Variants in EPHX2 observed in about 807,000 individuals in gnomAD.
EPHX2 encodes bifunctional epoxide hydrolase 2.
Under a neutral mutation model 78.7 loss-of-function variants are expected in EPHX2, and 74 were observed. That is an observed-to-expected ratio of 0.94 (90% CI 0.78 to 1.14). The LOEUF is 1.14. Ranked by LOEUF, EPHX2 falls within the 50% of genes most tolerant of loss-of-function variation. EPHX2 has a pLI of 0.00. For synonymous variants in EPHX2, 251 were observed against 255.2 expected (o/e 0.98, Z 0.16); for missense variants, 715 against 702.5 (o/e 1.02, Z -0.20).
chr8:27,523,232 C>T (rs1391180913), intron 11 of EPHX2, among the ~76,000 whole-genome samples: 2 of 152,202 alleles, frequency 1.3e-5, no homozygotes, highest in Non-Finnish European at 2.9e-5. Flanking sequence ...CATTCTCAAC[C>T]ACAAAGTGGT....
chr8:27,522,368 G>C (rs1814679507), intron 10 of EPHX2, 55 bp from the exon 11 acceptor site: 1 of 1,582,646 alleles, frequency 6.3e-7, no homozygotes, highest in African/African-American at 1.3e-5. Context: ...GAACCTCTCA[G>C]CACCCCGTTC....
intron 12 of EPHX2, among the ~76,000 whole-genome samples, chr8:27,528,064 G>C (rs1331703027): frequency 2.6e-5 from 4 of 152,152 alleles, no homozygotes; most frequent in African/African-American, 9.7e-5. Context: ...GCAGAGAGAG[G>C]AGGGACAAAT....
intron 1 of EPHX2, among the ~76,000 whole-genome samples, chr8:27,500,391 C>A (rs1393328754): frequency 1.3e-5 from 2 of 152,166 alleles, no homozygotes; most frequent in Non-Finnish European, 2.9e-5. Flanking sequence ...AATTAAATCT[C>A]TTTTCTTTAT....
intron 12 of EPHX2, among the ~76,000 whole-genome samples, chr8:27,530,465 C>T (rs1398371743): frequency 6.6e-6 from 1 of 152,096 alleles, no homozygotes; most frequent in Admixed American, 6.6e-5. Context: ...TGTTTTTAAG[C>T]AAATATATGT....
chr8:27,499,527 G>T (rs1212483360), intron 1 of EPHX2, among the ~76,000 whole-genome samples: 1 of 152,160 alleles, frequency 6.6e-6, no homozygotes, highest in Admixed American at 6.5e-5. Flanking sequence ...CCAGGATGGG[G>T]ATATTTGTTC....
At chr8:27,523,587 T>C (rs1814723853) in intron 11 of EPHX2, among the ~76,000 whole-genome samples, 2 of 152,338 alleles carry the variant, frequency 1.3e-5, no homozygotes, top group South Asian at 4.1e-4. Context: ...CAGGAAACTT[T>C]GTTCTGCTTC....
intron 12 of EPHX2, 146 bp from the exon 13 acceptor site, chr8:27,536,638 T>A (rs1815221278): frequency 2.6e-6 from 2 of 762,544 alleles, no homozygotes; most frequent in Non-Finnish European, 4.4e-6. Context: ...TGTTTTATGA[T>A]GAAAATTCAA....
At chr8:27,508,267 C>T (rs1250523051) in intron 5 of EPHX2, among the ~76,000 whole-genome samples, 1 of 152,156 alleles carries the variant, frequency 6.6e-6, no homozygotes, top group African/African-American at 2.4e-5. Context: ...CGTGCTACTG[C>T]ATTTCAACCT....
At chr8:27,495,350 A>G (rs1586426109) in intron 1 of EPHX2, among the ~76,000 whole-genome samples, 1 of 152,184 alleles carries the variant, frequency 6.6e-6, no homozygotes, top group East Asian at 1.9e-4. Flanking sequence ...TTACATCACT[A>G]ACTATGGTAT....
At chr8:27,498,563 C>T (rs1422335927) in intron 1 of EPHX2, among the ~76,000 whole-genome samples, 3 of 152,126 alleles carry the variant, frequency 2.0e-5, no homozygotes, top group Non-Finnish European at 2.9e-5. Flanking sequence ...TCCCACTCAC[C>T]TAGTGTCTTG....
At chr8:27,546,403 G>A (rs533867585), downstream of EPHX2, among the ~76,000 whole-genome samples, 2 of 152,250 alleles carry the variant, frequency 1.3e-5, no homozygotes, top group Admixed American at 6.5e-5. Context: ...TTTGTCTTAG[G>A]ACAAGACCTC....
intron 1 of EPHX2, among the ~76,000 whole-genome samples, chr8:27,494,126 A>G (rs1045708582): frequency 7.9e-5 from 12 of 152,096 alleles, no homozygotes; most frequent in African/African-American, 2.9e-4. Context: ...AGCCATCTGA[A>G]TGGAGGTGTT....
chr8:27,505,114 C>T lies in EPHX2; in HGVS notation c.505C>T (p.Leu169=), dbSNP rs1563342991. ...ACCTGAACCTCAGATCTACAAGTTT[C>T]TGCTGGACACCCTGAAGGCCAGCCC... is the stretch of plus-strand genomic sequence containing the variant. ...VKPEPQIYKF[L]LDTLKASPSE... The change falls in exon 4 of 19, where the codon CTG becomes TTG. Residue 169 remains leucine (L), a synonymous_variant. Coordinates refer to ENST00000521400, the MANE Select transcript of EPHX2 (RefSeq NM_001979.6). The T allele has an allele frequency of 6.2e-7, 1 of 1,609,866 alleles. No homozygotes were observed. The highest frequency in any genetic ancestry group is 8.5e-7 in the Non-Finnish European group (1 of 1,177,448).
At position 27,494,944 on chromosome 8, in the gene EPHX2, G is replaced by T. The variant is rs199582311; in HGVS notation, c.101+3635G>T. Among the ~76,000 whole-genome samples, 4 of 152,344 alleles carry T rather than the reference G, an allele frequency of 2.6e-5. No homozygotes were observed. The East Asian group carries it at 7.7e-4, about 29-fold the overall frequency. The stretch of plus-strand genomic sequence containing the variant: ...ACTGGGGCTTAATCTCTTGGAGAGG[G>T]TTGTTCCATACCAAGGGTCCTTCCG... On this transcript the variant is annotated intron_variant, in intron 1 of 18. Transcript: ENST00000521400.
At chr8:27,495,762 T>C (rs1387759238) in intron 1 of EPHX2, among the ~76,000 whole-genome samples, 1 of 152,254 alleles carries the variant, frequency 6.6e-6, no homozygotes, top group South Asian at 2.1e-4. Flanking sequence ...TACTTAGGTA[T>C]GCCACTGGTT....
intron 12 of EPHX2, among the ~76,000 whole-genome samples, chr8:27,535,001 A>G (rs1041801481): frequency 6.6e-6 from 1 of 152,176 alleles, no homozygotes; most frequent in Admixed American, 6.5e-5. Context: ...GCCAGCGAGT[A>G]GGAGGCCCGC....
At chr8:27,504,472 C>T (rs1248342052) in intron 3 of EPHX2, among the ~76,000 whole-genome samples, 4 of 152,134 alleles carry the variant, frequency 2.6e-5, no homozygotes, top group Admixed American at 6.6e-5. Context: ...AAACCTAGTC[C>T]CTGATTGCCA....
chr8:27,512,678 T>C (rs1409717598), intron 6 of EPHX2, among the ~76,000 whole-genome samples: 1 of 152,074 alleles, frequency 6.6e-6, no homozygotes, highest in African/African-American at 2.4e-5. Context: ...TATGAAAGGA[T>C]CTAAAGCAGT....
In EPHX2 at chr8:27,543,756, T is replaced by A; in HGVS notation, c.1457T>A (p.Ile486Asn). ...ACKSLGRKIL[I>N]PALMVTAEKD... ...TTCCTGTTCTCCCCCCAGATCCTGA[T>A]TCCGGCCCTGATGGTCACGGCGGAG... Residue 486 changes from isoleucine (I) to asparagine (N), a missense_variant, in exon 17 of 19, where the codon ATT becomes AAT. Transcript: ENST00000521400. The A allele has an allele frequency of 6.2e-7, 1 of 1,614,064 alleles. No homozygotes were observed. The highest frequency in any genetic ancestry group is 8.5e-7 in the Non-Finnish European group (1 of 1,180,004).
Sources: gnomAD v4.1 joint callset for allele counts (sites outside exome capture counted in the v4.1 genomes callset) on GRCh38, gnomAD v4.1.1 for gene constraint, MANE v1.5 for transcripts, NCBI Gene and HGNC (gene_info 2026-07-23, HGNC 2026-07-21) for gene names.